Variants in KIAA0825 observed in about 807,000 individuals in gnomAD.
The protein encoded by KIAA0825 is KIAA0825.
KIAA0825 carries 119 observed loss-of-function variants against 147.6 expected under a neutral mutation model. That is an observed-to-expected ratio of 0.81 (90% CI 0.69 to 0.94). KIAA0825 has a LOEUF of 0.94. Ranked by LOEUF, KIAA0825 falls within the 40% of genes least tolerant of loss-of-function variation. KIAA0825 has a pLI of 0.00. For missense variants in KIAA0825, 1,381 were observed against 1,472.7 expected, an observed-to-expected ratio of 0.94 and a Z score of 1.02; for synonymous variants, 470 against 518.1, an observed-to-expected ratio of 0.91 and a Z score of 1.26.
chr5:94,567,602 T>C (rs1225938958), intron 2 of KIAA0825: 2 of 152,344 alleles, frequency 1.3e-5, no homozygotes, highest in Non-Finnish European at 2.9e-5. Context: ...CATCGGTTGA[T>C]GGTATGCTCG....
In KIAA0825 at chr5:94,153,900, T is replaced by G; in HGVS notation, c.*107A>C. On this transcript the variant is annotated 3_prime_UTR_variant, in exon 21 of 21. Transcript: ENST00000682413. ...AGTACAGAGATTACTCAGTCATTGGTTTCATGCTTCACAGCACATATGAGG... is the reference window on the plus strand; with the variant it reads ...AGTACAGAGATTACTCAGTCATTGGGTTCATGCTTCACAGCACATATGAGG... The G allele has an allele frequency of 1.4e-6, 1 of 700,304 alleles. No individual in the cohort carries two copies. The highest frequency in any genetic ancestry group is 2.5e-6 in the Non-Finnish European group (1 of 401,408). 43.4% of individuals were successfully genotyped at this position (700,304 alleles called of 1,614,324 possible).
chr5:94,594,262 G>T, intron 1 of KIAA0825: 1 of 620,184 alleles, frequency 1.6e-6, no homozygotes, highest in East Asian at 4.1e-5. Flanking sequence ...AGATCAGTCT[G>T]CTTGGAATGC....
rs548448241 is a variant in KIAA0825 at position 94,424,019 on chromosome 5, A to G, written c.2498-6654T>C. On this transcript the variant is annotated intron_variant, in intron 14 of 20. Coordinates refer to ENST00000682413, the MANE Select transcript of KIAA0825 (RefSeq NM_001145678.3). ...ATATAAAGACCTATCATTTATTTACAAAACTTTCAATTAATATAACTTTTT... is the reference window on the plus strand; with the variant it reads ...ATATAAAGACCTATCATTTATTTACGAAACTTTCAATTAATATAACTTTTT... Among the ~76,000 whole-genome samples, 21 of 152,180 alleles carry G rather than the reference A, an allele frequency of 1.4e-4. 1 individual carries two copies. Among genetic ancestry groups the G allele is most frequent in the Non-Finnish European group, 1.8e-4 (12 of 68,018 alleles).
chr5:94,535,346 C>T (rs1305313333), intron 3 of KIAA0825, among the ~76,000 whole-genome samples: 2 of 151,698 alleles, frequency 1.3e-5, no homozygotes, highest in Non-Finnish European at 2.9e-5. Context: ...CCTGTCTGTA[C>T]CAAAAATACA....
At chr5:94,516,471 T>C (rs1306400404) in intron 5 of KIAA0825, among the ~76,000 whole-genome samples, 1 of 152,088 alleles carries the variant, frequency 6.6e-6, no homozygotes, top group Non-Finnish European at 1.5e-5. Flanking sequence ...AGCAAAACAC[T>C]GAATCAGTGT....
intron 20 of KIAA0825, among the ~76,000 whole-genome samples, chr5:94,240,527 C>A (rs760775276): frequency 6.6e-6 from 1 of 152,182 alleles, no homozygotes; most frequent in African/African-American, 2.4e-5. Flanking sequence ...AACCTGTTCT[C>A]TTATTGATAC....
At chr5:94,175,696 T>C (rs1474142518) in intron 20 of KIAA0825, among the ~76,000 whole-genome samples, 1 of 152,194 alleles carries the variant, frequency 6.6e-6, no homozygotes, top group Non-Finnish European at 1.5e-5. Context: ...GTTCATTAAT[T>C]GATCAAGTTA....
In KIAA0825 at chr5:94,154,061, T is replaced by C. The variant is rs1396356464; in HGVS notation, c.3774A>G (p.Lys1258=). Residue 1258 remains lysine, a synonymous_variant, in exon 21 of 21, where the codon AAA becomes AAG. Coordinates refer to ENST00000682413, the MANE Select transcript of KIAA0825 (RefSeq NM_001145678.3). ...EEEKAILEHL[K]QICTPQNSSA... ...AAGAGTTCTGTGGGGTGCAAATTTGTTTTAAGTGCTCCAGTATTGCTTTTT... is the reference window on the plus strand; with the variant it reads ...AAGAGTTCTGTGGGGTGCAAATTTGCTTTAAGTGCTCCAGTATTGCTTTTT... The C allele has an allele frequency of 6.4e-7, 1 of 1,551,596 alleles. No homozygotes were observed. Among genetic ancestry groups the C allele is most frequent in the East Asian group, 2.4e-5 (1 of 40,920 alleles).
chr5:94,500,968 A>G (rs919003094), intron 5 of KIAA0825, among the ~76,000 whole-genome samples: 5 of 151,974 alleles, frequency 3.3e-5, no homozygotes. Context: ...GAGTAGAGAC[A>G]TGGTTTCACT....
intron 16 of KIAA0825, among the ~76,000 whole-genome samples, chr5:94,397,171 C>T (rs1194457393): frequency 6.6e-6 from 1 of 152,158 alleles, no homozygotes; most frequent in African/African-American, 2.4e-5. Flanking sequence ...GAAGGCATTC[C>T]CGTATCCCTA....
chr5:94,592,013 TATAATTCAAG>T (rs1784444619), intron 1 of KIAA0825, among the ~76,000 whole-genome samples: 1 of 152,192 alleles, frequency 6.6e-6, no homozygotes, highest in Non-Finnish European at 1.5e-5. Context: ...TTATGGCAGC[TATAATTCAAG>T]ATGAGATTTG....
intron 15 of KIAA0825, among the ~76,000 whole-genome samples, chr5:94,412,502 G>A (rs1752896628): frequency 1.3e-5 from 2 of 152,088 alleles, no homozygotes; most frequent in Admixed American, 6.6e-5. Context: ...CTGGGTTCAA[G>A]TGCTTCTCAT....
intron 11 of KIAA0825, 58 bp from the exon 12 acceptor site, chr5:94,462,627 G>C: frequency 9.6e-7 from 1 of 1,045,284 alleles, no homozygotes; most frequent in Non-Finnish European, 1.3e-6. Context: ...CTGCTTGGTA[G>C]GCACTTTCAT....
At chr5:94,507,384 C>T (rs994219442) in intron 5 of KIAA0825, among the ~76,000 whole-genome samples, 13 of 152,062 alleles carry the variant, frequency 8.5e-5, no homozygotes, top group Admixed American at 5.9e-4. Context: ...ATCCAGGAGG[C>T]GGAGGCTGCA....
At chr5:94,258,161 A>C (rs189677807) in intron 20 of KIAA0825, among the ~76,000 whole-genome samples, 227 of 152,178 alleles carry the variant, frequency 1.5e-3, no homozygotes, top group Non-Finnish European at 2.6e-3. Flanking sequence ...CATTAAATTC[A>C]TATGCTCTTC....
At chr5:94,404,896 G>T (rs898271696) in intron 15 of KIAA0825, among the ~76,000 whole-genome samples, 2 of 152,158 alleles carry the variant, frequency 1.3e-5, no homozygotes, top group African/African-American at 4.8e-5. Context: ...ATGGTGAGGG[G>T]AGAGGGTGAC....
intron 20 of KIAA0825, among the ~76,000 whole-genome samples, chr5:94,263,651 CT>C (rs1776607486): frequency 1.4e-5 from 2 of 147,616 alleles, no homozygotes; most frequent in African/African-American, 4.9e-5. Context: ...TCTTCAATGT[CT>C]CTCTCTCTCT....
At chr5:94,610,802 TATATAA>T (rs1788618600) in intron 1 of KIAA0825, among the ~76,000 whole-genome samples, 2 of 125,948 alleles carry the variant, frequency 1.6e-5, no homozygotes, top group Middle Eastern at 4.4e-3. Context: ...TATATATATA[TATATAA>T]ATAAAAAGAT....
chr5:94,587,625 G>A (rs1207179561), intron 1 of KIAA0825, among the ~76,000 whole-genome samples: 1 of 152,076 alleles, frequency 6.6e-6, no homozygotes, highest in Non-Finnish European at 1.5e-5. Context: ...ACTCCCTAAG[G>A]TAATTTATAG....
Sources: allele counts gnomAD v4.1 joint callset (sites outside exome capture counted in the v4.1 genomes callset), GRCh38; gene constraint gnomAD v4.1.1; transcripts MANE v1.5; gene names NCBI Gene and HGNC (gene_info 2026-07-23, HGNC 2026-07-21).